The following BEST1 variants were observed in gnomAD, a reference collection of about 807,000 sequenced individuals.
BEST1 encodes the protein bestrophin-1.
In BEST1, 58 loss-of-function variants were observed where a neutral mutation model predicts 63.3. That is an observed-to-expected ratio of 0.92 (90% confidence interval 0.74 to 1.14). The LOEUF is 1.14. Among genes scored for constraint, BEST1 ranks in the 50% most tolerant of loss-of-function variants. The probability of loss-of-function intolerance (pLI) is 0.00; values close to 1 mark genes in which losing one functional copy is unlikely to be tolerated. For synonymous variants in BEST1, 283 were observed against 291.6 expected (o/e 0.97, Z 0.30); for missense variants, 671 against 740.1 (o/e 0.91, Z 1.08).
chr11:61,964,890 A>C, downstream of BEST1: 1 of 1,609,838 alleles, frequency 6.2e-7, no homozygotes. Flanking sequence ...GAAGTCACAC[A>C]ACTGCAAAAC....
intron 8 of BEST1, 138 bp downstream of exon 8, chr11:61,959,716 C>A: frequency 7.7e-7 from 1 of 1,296,306 alleles, no homozygotes; most frequent in Non-Finnish European, 1.1e-6. Flanking sequence ...CAGTCATTCA[C>A]TCACAGGATT....
intron 7 of BEST1, chr11:61,958,704 T>G (rs183662255): frequency 2.2e-6 from 1 of 451,600 alleles, no homozygotes; most frequent in East Asian, 4.7e-5. Flanking sequence ...AGGTATTCCC[T>G]CCCACCACAG....
In BEST1 at chr11:61,951,956, T is replaced by A; in HGVS notation, c.150T>A (p.Tyr50Ter). ...GCTACTACATCATCCGCTTTATTTA[T>A]AGGTAAAGCTGGCAGGGCTGGGCCG... ...LLCYYIIRFI[Y>*]RLALTEEQQL... The change falls in exon 2 of 11, where the codon TAT (tyrosine) becomes TAA (stop). Residue 50 changes from tyrosine to a stop codon, truncating the protein, a stop_gained and splice_region_variant. Transcript: ENST00000378043. LOFTEE classifies it high-confidence loss of function. The A allele has an allele frequency of 6.2e-7, 1 of 1,613,534 alleles. No individual in the cohort carries two copies. Among genetic ancestry groups the A allele is most frequent in the Non-Finnish European group, 8.5e-7 (1 of 1,179,882 alleles).
chr11:61,962,677 G>A lies in BEST1; in HGVS notation c.1523G>A (p.Gly508Glu). 1 of 1,614,200 alleles carries A rather than the reference G, an allele frequency of 6.2e-7. No homozygotes were observed. The highest frequency in any genetic ancestry group is 8.5e-7 in the Non-Finnish European group (1 of 1,180,038). ...KDKSLKTVSSGAKKSFELLSE... is the reference protein window; with the variant it reads ...KDKSLKTVSSEAKKSFELLSE... ...AAAAGCTTAAAGACTGTGAGTTCTG[G>A]GGCCAAGAAAAGTTTTGAATTGCTC... The change falls in exon 10 of 11, where the codon GGG becomes GAG. Residue 508 changes from glycine to glutamate, a missense_variant. Gly to Glu is a moderately conservative substitution (Grantham distance 98). Coordinates refer to ENST00000378043, the MANE Select transcript of BEST1 (RefSeq NM_004183.4).
rs1190983296 is a variant in BEST1 at position 61,964,102 on chromosome 11, A to C, written c.1740-2A>C. The C allele has an allele frequency of 6.2e-7, 1 of 1,613,848 alleles. No homozygotes were observed. The highest frequency in any genetic ancestry group is 8.5e-7 in the Non-Finnish European group (1 of 1,179,984). ...TGCTGTTAATACTTTCATTCTCACT[A>C]GGGATGAAGCACATTCCTAACCTGC... On this transcript the variant is annotated splice_acceptor_variant, in intron 10 of 10. Transcript: ENST00000378043. LOFTEE classifies it high-confidence loss of function.
intron 9 of BEST1, 91 bp downstream of exon 9, chr11:61,960,134 G>A: frequency 6.6e-7 from 1 of 1,517,110 alleles, no homozygotes; most frequent in Admixed American, 1.9e-5. Context: ...AATGCATACA[G>A]GTTGCTTCAG....
intron 2 of BEST1, among the ~76,000 whole-genome samples, chr11:61,953,846 A>G (rs195167): frequency 0.88 from 134,506 of 152,166 alleles, 59,677 homozygotes; most frequent in East Asian, 1. Context: ...TGACTGTGCC[A>G]CTGCCCTTGA....
At chr11:61,963,497 A>G (rs781003413) in intron 10 of BEST1, 58 of 1,065,334 alleles carry the variant, frequency 5.4e-5, no homozygotes, top group South Asian at 7.8e-5. Context: ...ACAAAATCAG[A>G]TATTTCCCTT....
chr11:61,957,851 G>A (rs893329195), intron 6 of BEST1, among the ~76,000 whole-genome samples: 1 of 152,172 alleles, frequency 6.6e-6, no homozygotes, highest in Non-Finnish European at 1.5e-5. Context: ...GTGCACGCCT[G>A]TAATCCCAGC....
chr11:61,962,917 G>A lies in BEST1; in HGVS notation c.1739+24G>A, dbSNP rs1434359954. On this transcript the variant is annotated intron_variant, in intron 10 of 10. Transcript: ENST00000378043. ...AGGTCTGTCCTCCACCTGAACCAGGGGCACTGCATTGCCCTGTGCCCCACC... is the reference window on the plus strand; with the variant it reads ...AGGTCTGTCCTCCACCTGAACCAGGAGCACTGCATTGCCCTGTGCCCCACC... 1.9e-6 allele frequency: 3 copies of A among 1,614,000 alleles called. No homozygotes were observed. In the African/African-American group the frequency reaches 4.0e-5, roughly 22 times the overall value.
At chr11:61,959,630 C>A in intron 8 of BEST1, 52 bp downstream of exon 8, 2 of 1,589,656 alleles carry the variant, frequency 1.3e-6, no homozygotes, top group Non-Finnish European at 1.7e-6. Flanking sequence ...AAAGTGGACC[C>A]AAAGAGAGGA....
intron 2 of BEST1, among the ~76,000 whole-genome samples, chr11:61,953,405 C>T (rs168991): frequency 0.4 from 61,451 of 151,798 alleles, 16,027 homozygotes; most frequent in Middle Eastern, 0.63. Context: ...GATCCTGATC[C>T]TGTCTCTATA....
At position 61,960,045 on chromosome 11, in the gene BEST1, T is replaced by A. The variant is rs1189081790; in HGVS notation, c.1100+2T>A. On this transcript the variant is annotated splice_donor_variant, in intron 9 of 10. Transcript: ENST00000378043. LOFTEE classifies it high-confidence loss of function. ...TATGGGCTCCACCTTCAACATCAGG[T>A]GTGGCCAGAGCCAGGGGGCTGGGTG... 6.2e-7 allele frequency: 1 copy of A among 1,607,188 alleles called. No individual in the cohort carries two copies. The highest frequency in any genetic ancestry group is 1.1e-5 in the South Asian group (1 of 89,802).
At chr11:61,965,102 C>G (rs371448455), downstream of BEST1, 7 of 1,605,092 alleles carry the variant, frequency 4.4e-6, no homozygotes, top group African/African-American at 4.0e-5. Context: ...CCAGTCATCA[C>G]AGTCTGGTTT....
chr11:61,962,112 G>T (rs1188437047), intron 9 of BEST1, 143 bp from the exon 10 acceptor site: 2 of 803,436 alleles, frequency 2.5e-6, no homozygotes, highest in South Asian at 1.6e-5. Flanking sequence ...CAGGAGAGAG[G>T]TGAGAGCTGG....
At chr11:61,964,826 G>A (rs1942406311), downstream of BEST1, 3 of 1,600,786 alleles carry the variant, frequency 1.9e-6, no homozygotes, top group South Asian at 2.2e-5. Context: ...TGGTCACGTG[G>A]TCACCCAATT....
intron 2 of BEST1, 146 bp downstream of exon 2, chr11:61,952,104 G>T: frequency 1.9e-6 from 2 of 1,050,642 alleles, no homozygotes; most frequent in Non-Finnish European, 1.4e-6. Context: ...CTGGGCACTG[G>T]AGCTGAGGCT....
chr11:61,962,792 G>A lies in BEST1; in HGVS notation c.1638G>A (p.Glu546=), dbSNP rs1296812524. Reference sequence around the variant, plus strand: ...AGTTTAACCTGACGGATATGCCAGAGATCCCCGAAAATCACCTCAAAGAAC... The same window carrying A: ...AGTTTAACCTGACGGATATGCCAGAAATCCCCGAAAATCACCTCAAAGAAC... ...TVEFNLTDMP[E]IPENHLKEPL... is the part of the protein sequence containing the mutation. The change falls in exon 10 of 11, where the codon GAG becomes GAA. Residue 546 remains glutamate (E), a synonymous_variant. Coordinates refer to ENST00000378043, the MANE Select transcript of BEST1 (RefSeq NM_004183.4). 5 of 1,614,092 alleles carry A rather than the reference G, an allele frequency of 3.1e-6. No homozygotes were observed. In the African/African-American group the frequency reaches 4.0e-5, roughly 13 times the overall value.
In BEST1 at chr11:61,964,209, C is replaced by CT; in HGVS notation, c.*88dup. On this transcript the variant is annotated 3_prime_UTR_variant, in exon 11 of 11. Coordinates refer to ENST00000378043, the MANE Select transcript of BEST1 (RefSeq NM_004183.4). ...CACTGATCCAGTCACAGCCATACAG[C>CT]TGTCCACACTGAAGAACATGTCCTA... 5 of 1,603,024 alleles carry CT rather than the reference C, an allele frequency of 3.1e-6. No homozygotes were observed. The highest frequency in any genetic ancestry group is 4.3e-6 in the Non-Finnish European group (5 of 1,175,422).
Sources: allele counts gnomAD v4.1 joint callset (sites outside exome capture counted in the v4.1 genomes callset), GRCh38; gene constraint gnomAD v4.1.1; transcripts MANE v1.5; gene names NCBI Gene and HGNC (gene_info 2026-07-23, HGNC 2026-07-21).